The following WDFY4 variants were observed in gnomAD, a reference collection of about 807,000 sequenced individuals.
WDFY4 encodes the protein WD repeat- and FYVE domain-containing protein 4.
In WDFY4, 169 loss-of-function variants were observed where a neutral mutation model predicts 351.9. The observed-to-expected ratio is 0.48, with a 90% CI of 0.42 to 0.55. The LOEUF is 0.55. WDFY4 is among the 20% of genes least tolerant of loss of function. The pLI is 0.00. For missense variants in WDFY4, 3,803 were observed against 3,935.6 expected (o/e 0.97, Z 0.90); for synonymous variants, 1,622 against 1,574.6 (o/e 1.03, Z -0.71).
chr10:48,833,170 TGTGAGA>T (rs1299118792), intron 39 of WDFY4, among the ~76,000 whole-genome samples: 35 of 139,366 alleles, frequency 2.5e-4, no homozygotes, highest in African/African-American at 8.2e-4. Context: ...TGTGTGTGTG[TGTGAGA>T]GAGAGAGAGA....
chr10:48,943,510 C>A (rs1474911231), intron 49 of WDFY4, 61 bp downstream of exon 49: 3 of 1,507,192 alleles, frequency 2.0e-6, no homozygotes, highest in East Asian at 2.5e-5. Flanking sequence ...ATAACAGAGA[C>A]CCTAAGTCAG....
intron 39 of WDFY4, among the ~76,000 whole-genome samples, chr10:48,841,227 T>A (rs891778755): frequency 3.3e-5 from 5 of 152,226 alleles, no homozygotes; most frequent in South Asian, 2.1e-4. Flanking sequence ...AGCTCTTGAG[T>A]GGTAGCAAGG....
At chr10:48,749,198 C>T (rs536618860) in intron 12 of WDFY4, among the ~76,000 whole-genome samples, 1 of 152,148 alleles carries the variant, frequency 6.6e-6, no homozygotes, top group Non-Finnish European at 1.5e-5. Context: ...TTTCATAACA[C>T]AGAGGTGACA....
chr10:48,927,215 G>A (rs1343961028), intron 47 of WDFY4, among the ~76,000 whole-genome samples: 2 of 152,084 alleles, frequency 1.3e-5, no homozygotes, highest in Non-Finnish European at 2.9e-5. Context: ...GTCAAATGAT[G>A]CCTCCCCCGA....
At chr10:48,928,657 T>C (rs1258158604) in intron 47 of WDFY4, among the ~76,000 whole-genome samples, 1 of 152,192 alleles carries the variant, frequency 6.6e-6, no homozygotes, top group Non-Finnish European at 1.5e-5. Flanking sequence ...TGGAATTCTT[T>C]CTGCACTTCA....
chr10:48,932,018 G>C (rs138105949), intron 47 of WDFY4, among the ~76,000 whole-genome samples: 1 of 152,214 alleles, frequency 6.6e-6, no homozygotes, highest in African/African-American at 2.4e-5. Context: ...CATGGGAGCT[G>C]TGAGGCAAAT....
intron 17 of WDFY4, 111 bp downstream of exon 17, chr10:48,777,606 C>A (rs2066076252): frequency 1.8e-6 from 2 of 1,119,184 alleles, no homozygotes; most frequent in Non-Finnish European, 2.6e-6. Context: ...GTGAGCTGTG[C>A]TGGGCATGGT....
intron 47 of WDFY4, among the ~76,000 whole-genome samples, chr10:48,906,769 G>A (rs12257105): frequency 0.11 from 17,490 of 152,094 alleles, 2,566 homozygotes; most frequent in African/African-American, 0.34. Flanking sequence ...TTAAACACAG[G>A]GTACAACCAT....
intron 36 of WDFY4, among the ~76,000 whole-genome samples, chr10:48,828,381 G>T (rs989924560): frequency 1.3e-5 from 2 of 152,198 alleles, no homozygotes; most frequent in Non-Finnish European, 2.9e-5. Flanking sequence ...TGCACAGGTT[G>T]CACGCCCATG....
At chr10:48,867,197 A>C (rs528125131) in intron 39 of WDFY4, 68 bp from the exon 40 acceptor site, 3 of 599,438 alleles carry the variant, frequency 5.0e-6, no homozygotes, top group Non-Finnish European at 7.3e-6. Context: ...AAAATAAAAT[A>C]AAATAAAATA....
intron 30 of WDFY4, among the ~76,000 whole-genome samples, chr10:48,812,163 T>C (rs922336145): frequency 2.0e-5 from 3 of 151,532 alleles, no homozygotes; most frequent in African/African-American, 7.3e-5. Flanking sequence ...ATAGTTATCC[T>C]TTCTTTCTTT....
intron 40 of WDFY4, 103 bp from the exon 41 acceptor site, chr10:48,873,388 C>T (rs2069859992): frequency 1.5e-6 from 2 of 1,299,962 alleles, no homozygotes; most frequent in Admixed American, 2.9e-5. Context: ...CTTTCTCAAA[C>T]ATTCATGGGA....
chr10:48,805,561 G>A, intron 26 of WDFY4, 140 bp downstream of exon 26: 1 of 1,215,660 alleles, frequency 8.2e-7, no homozygotes, highest in Non-Finnish European at 1.1e-6. Context: ...AGGGCTGAGA[G>A]TTGGGGAAAG....
intron 1 of WDFY4, among the ~76,000 whole-genome samples, chr10:48,707,967 C>T (rs568603152): frequency 2.0e-5 from 3 of 151,958 alleles, no homozygotes; most frequent in African/African-American, 7.2e-5. Context: ...CCCCACAAAA[C>T]CCCATCCCAG....
At chr10:48,771,338 G>T (rs144233434) in intron 13 of WDFY4, among the ~76,000 whole-genome samples, 39 of 152,092 alleles carry the variant, frequency 2.6e-4, no homozygotes, top group Non-Finnish European at 4.1e-4. Context: ...ATGACTGCCC[G>T]CGTGGAGAGG....
intron 47 of WDFY4, among the ~76,000 whole-genome samples, chr10:48,923,612 C>A (rs1043821322): frequency 2.0e-5 from 3 of 151,600 alleles, no homozygotes; most frequent in Non-Finnish European, 2.9e-5. Flanking sequence ...ATTATTAGTG[C>A]TTACTCATGC....
At chr10:48,810,430 C>T in intron 28 of WDFY4, 100 bp from the exon 29 acceptor site, 2 of 1,136,396 alleles carry the variant, frequency 1.8e-6, no homozygotes, top group East Asian at 2.6e-5. Context: ...CCTTAACTTG[C>T]CTCTCCTTGG....
In WDFY4 at chr10:48,842,263, A is replaced by G. The variant is rs147552574; in HGVS notation, c.6663+9554A>G. Among the ~76,000 whole-genome samples the G allele has an allele frequency of 1.1e-3, 169 of 151,958 alleles. 3 individuals are homozygous for G. In the Middle Eastern group the frequency reaches 0.014, roughly 12 times the overall value. On this transcript the variant is annotated intron_variant, in intron 39 of 61. Coordinates refer to ENST00000325239, the MANE Select transcript of WDFY4 (RefSeq NM_001394531.1). Reference sequence around the variant, plus strand: ...TGGCAGAACCACTAACAGCCCATCAATGTGGGTGCGGGAAGCTATCCTGAG... The same window carrying G: ...TGGCAGAACCACTAACAGCCCATCAGTGTGGGTGCGGGAAGCTATCCTGAG...
In WDFY4 at chr10:48,776,644, C is replaced by T. The variant is rs899622204; in HGVS notation, c.2864-106C>T. On this transcript the variant is annotated intron_variant, in intron 15 of 61. Transcript: ENST00000325239. ...GCTTAGGAAGTACCTGGTGACTGTGCGAAACTCTCTTTCTGGGCTGCGGCA... is the reference window on the plus strand; with the variant it reads ...GCTTAGGAAGTACCTGGTGACTGTGTGAAACTCTCTTTCTGGGCTGCGGCA... 46 of 1,173,500 alleles carry T rather than the reference C, an allele frequency of 3.9e-5. 1 individual carries two copies. Among genetic ancestry groups the T allele is most frequent in the Admixed American group, 5.7e-5 (2 of 35,246 alleles). The allele number at this position is 1,173,500 out of a possible 1,614,324, so 72.7% of individuals were successfully genotyped here. A position where few individuals can be genotyped will look rare whatever the true frequency, so the allele number is the denominator to read the frequency against.
Sources: gnomAD v4.1 joint callset for allele counts (sites outside exome capture counted in the v4.1 genomes callset) on GRCh38, gnomAD v4.1.1 for gene constraint, MANE v1.5 for transcripts, NCBI Gene and HGNC (gene_info 2026-07-23, HGNC 2026-07-21) for gene names.